FREM2: variants seen among roughly 807,000 people sequenced by gnomAD.
FREM2 encodes the protein FRAS1-related extracellular matrix protein 2.
A neutral mutation model predicts 219.9 loss-of-function variants in FREM2; 119 were observed. The ratio of observed to expected loss-of-function variants is 0.54; its 90% confidence interval spans 0.47 to 0.63. The LOEUF is 0.63. FREM2 is among the 30% of genes least tolerant of loss of function. FREM2 has a pLI of 0.00. For missense variants in FREM2, 4,030 were observed against 3,993.6 expected, an observed-to-expected ratio of 1.01 and a Z score of -0.25; for synonymous variants, 1,562 against 1,522.8, an observed-to-expected ratio of 1.03 and a Z score of -0.60.
chr13:38,693,802 C>T (rs1169945723), intron 1 of FREM2, among the ~76,000 whole-genome samples: 1 of 152,168 alleles, frequency 6.6e-6, no homozygotes, highest in Admixed American at 6.5e-5. Context: ...CAAATAGCTC[C>T]ACACTCCAAC....
chr13:38,783,461 T>A, intron 5 of FREM2, among the ~76,000 whole-genome samples: 1 of 100,218 alleles, frequency 1.0e-5, no homozygotes, highest in Non-Finnish European at 1.9e-5. Flanking sequence ...CAAGTAGAAA[T>A]GGGTTACTAT....
chr13:38,748,919 G>T (rs1334865773), intron 2 of FREM2, among the ~76,000 whole-genome samples: 1 of 152,206 alleles, frequency 6.6e-6, no homozygotes, highest in Non-Finnish European at 1.5e-5. Flanking sequence ...ATGCATGTGT[G>T]TGCAGGTACA....
In FREM2 at chr13:38,692,440, T is replaced by G. The variant is rs1869932023; in HGVS notation, c.5096T>G (p.Ile1699Ser). ...AGCTTACACATTTCTCTTAGATTTATCGTGACAGAGGCCCCTCAACATGGA... is the reference window on the plus strand; with the variant it reads ...AGCTTACACATTTCTCTTAGATTTAGCGTGACAGAGGCCCCTCAACATGGA... ...RDSLHISLRF[I>S]VTEAPQHGYL... Residue 1699 changes from isoleucine to serine, a missense_variant, in exon 1 of 24, where the codon ATC (isoleucine) becomes AGC (serine). Physicochemically the swap from Ile to Ser is moderately radical, Grantham distance 142. Coordinates refer to ENST00000280481, the MANE Select transcript of FREM2 (RefSeq NM_207361.6). The G allele has an allele frequency of 1.2e-6, 2 of 1,613,934 alleles. No individual in the cohort carries two copies. Among genetic ancestry groups the G allele is most frequent in the Non-Finnish European group, 1.7e-6 (2 of 1,179,968 alleles).
intron 2 of FREM2, among the ~76,000 whole-genome samples, chr13:38,757,046 TG>T: frequency 6.6e-6 from 1 of 152,136 alleles, no homozygotes; most frequent in East Asian, 1.9e-4. Context: ...TGTATTAATT[TG>T]GGGGCTAACA....
At chr13:38,870,804 AAGTG>A (rs1485668211) in intron 16 of FREM2, among the ~76,000 whole-genome samples, 2 of 152,212 alleles carry the variant, frequency 1.3e-5, no homozygotes, top group Non-Finnish European at 2.9e-5. Flanking sequence ...TATTCATAGG[AAGTG>A]AGTATTAGTA....
At chr13:38,852,886 G>T (rs979140140) in intron 11 of FREM2, among the ~76,000 whole-genome samples, 1 of 151,318 alleles carries the variant, frequency 6.6e-6, no homozygotes, top group African/African-American at 2.4e-5. Flanking sequence ...TTGTATTTTT[G>T]GTAGAGATGG....
intron 2 of FREM2, among the ~76,000 whole-genome samples, chr13:38,742,675 T>A (rs1277507311): frequency 6.6e-6 from 1 of 152,220 alleles, no homozygotes; most frequent in Non-Finnish European, 1.5e-5. Flanking sequence ...TGTAATTTTT[T>A]GTGGGGCTTC....
chr13:38,691,535 T>C lies in FREM2; in HGVS notation c.4191T>C (p.Asp1397=), dbSNP rs764435186. 3 of 1,614,172 alleles carry C rather than the reference T, an allele frequency of 1.9e-6. No homozygotes were observed. The highest frequency in any genetic ancestry group is 1.3e-5 in the African/African-American group (1 of 75,042). ...QEGIRDLIKF[D]VTDGINPLID... is the part of the protein sequence containing the mutation. The stretch of plus-strand genomic sequence containing the variant: ...GCATTCGGGACCTAATTAAATTTGA[T>C]GTGACTGATGGAATAAATCCCCTCA... The change falls in exon 1 of 24, where the codon GAT becomes GAC. Residue 1397 remains aspartate (D), a synonymous_variant. Coordinates refer to ENST00000280481, the MANE Select transcript of FREM2 (RefSeq NM_207361.6).
chr13:38,710,255 C>T (rs1283870641), intron 2 of FREM2, among the ~76,000 whole-genome samples: 2 of 151,986 alleles, frequency 1.3e-5, no homozygotes, highest in Non-Finnish European at 2.9e-5. Flanking sequence ...ATCTACTCAG[C>T]TTTTCCTGAA....
In FREM2 at chr13:38,813,222, T is replaced by C. The variant is rs566696345; in HGVS notation, c.6019+28414T>C. 1.7e-3 allele frequency among the ~76,000 whole-genome samples: 264 copies of C among 152,152 alleles called. 1 individual carries two copies. Among genetic ancestry groups the C allele is most frequent in the South Asian group, 0.013 (63 of 4,810 alleles). On this transcript the variant is annotated intron_variant, in intron 6 of 23. Coordinates refer to ENST00000280481, the MANE Select transcript of FREM2 (RefSeq NM_207361.6). The stretch of plus-strand genomic sequence containing the variant: ...TTTCTTTCAGATTGAAGAACCTCCT[T>C]TAGCATTTCTCATAGGACAGGTCTG...
chr13:38,762,411 C>T (rs565796303), intron 2 of FREM2, among the ~76,000 whole-genome samples: 110 of 151,310 alleles, frequency 7.3e-4, no homozygotes, highest in Non-Finnish European at 1.4e-3. Flanking sequence ...CCTTGTTAAA[C>T]GGACAAACTG....
At chr13:38,804,341 A>G (rs1875138104) in intron 6 of FREM2, among the ~76,000 whole-genome samples, 1 of 151,238 alleles carries the variant, frequency 6.6e-6, no homozygotes, top group Non-Finnish European at 1.5e-5. Context: ...AGGATACTAG[A>G]TAGAAAAATG....
chr13:38,687,430 GGCT>G lies in FREM2; in HGVS notation c.105_107del (p.Leu38del), dbSNP rs568736669. Reference sequence around the variant, plus strand: ...CAACCAGGACCGCCACCGCCGCCCCGGCTGCTGCTGCTGCTGCTGCTTCTCCTG... The same window carrying G: ...CAACCAGGACCGCCACCGCCGCCCCGGCTGCTGCTGCTGCTGCTTCTCCTG... On this transcript the variant is annotated inframe_deletion, in exon 1 of 24. Transcript: ENST00000280481. The G allele has an allele frequency of 1.1e-4, 181 of 1,596,294 alleles. No individual in the cohort carries two copies. Among genetic ancestry groups the G allele is most frequent in the Admixed American group, 3.6e-4 (21 of 58,010 alleles).
chr13:38,770,532 A>G (rs1023607651), intron 4 of FREM2, among the ~76,000 whole-genome samples: 1 of 152,184 alleles, frequency 6.6e-6, no homozygotes, highest in African/African-American at 2.4e-5. Flanking sequence ...CGGTTTGAGA[A>G]TGAGATCATT....
At chr13:38,842,032 A>G in intron 6 of FREM2, among the ~76,000 whole-genome samples, 1 of 152,144 alleles carries the variant, frequency 6.6e-6, no homozygotes, top group Non-Finnish European at 1.5e-5. Context: ...GGCCTGGAAG[A>G]TGTGCAGAGC....
chr13:38,787,438 A>T (rs984840580), intron 6 of FREM2, among the ~76,000 whole-genome samples: 10 of 151,930 alleles, frequency 6.6e-5, no homozygotes, highest in Non-Finnish European at 1.3e-4. Context: ...ATCTCTTCCT[A>T]CCCACACCTT....
intron 16 of FREM2, among the ~76,000 whole-genome samples, chr13:38,871,027 C>T (rs1452866980): frequency 6.6e-6 from 1 of 152,132 alleles, no homozygotes; most frequent in Non-Finnish European, 1.5e-5. Context: ...GTCCATTTCC[C>T]TGCACTTCAA....
intron 4 of FREM2, among the ~76,000 whole-genome samples, chr13:38,771,729 A>C (rs1338913734): frequency 1.3e-5 from 2 of 152,136 alleles, no homozygotes; most frequent in East Asian, 3.9e-4. Context: ...GATAACTGAT[A>C]AGTCTTCCAT....
chr13:38,741,839 A>C (rs762978308), intron 2 of FREM2, among the ~76,000 whole-genome samples: 1 of 152,166 alleles, frequency 6.6e-6, no homozygotes, highest in African/African-American at 2.4e-5. Context: ...AAACTTTCCA[A>C]AGTCTAAGTG....
Sources: allele counts gnomAD v4.1 joint callset (sites outside exome capture counted in the v4.1 genomes callset), GRCh38; gene constraint gnomAD v4.1.1; transcripts MANE v1.5; gene names NCBI Gene and HGNC (gene_info 2026-07-23, HGNC 2026-07-21).